The following TAF3 variants were observed in gnomAD, a reference collection of about 807,000 sequenced individuals.
TAF3 encodes the protein transcription initiation factor TFIID subunit 3.
Under a neutral mutation model 80.6 loss-of-function variants are expected in TAF3, and 7 were observed. The ratio of observed to expected loss-of-function variants is 0.09; its 90% CI spans 0.05 to 0.16. The LOEUF is 0.16. TAF3 is among the 10% of genes least tolerant of loss of function. TAF3 has a pLI of 1.00. For synonymous variants in TAF3, 444 were observed against 446.1 expected (o/e 1.00, Z 0.06); for missense variants, 921 against 1,140.2 (o/e 0.81, Z 2.77).
chr10:7,883,879 A>G (rs1465851164), intron 2 of TAF3, among the ~76,000 whole-genome samples: 1 of 152,238 alleles, frequency 6.6e-6, no homozygotes, highest in African/African-American at 2.4e-5. Context: ...GAGGGGCTAC[A>G]TCTAGTGAGA....
At chr10:7,832,122 T>C (rs1236522084) in intron 2 of TAF3, among the ~76,000 whole-genome samples, 1 of 152,152 alleles carries the variant, frequency 6.6e-6, no homozygotes, top group Non-Finnish European at 1.5e-5. Context: ...TGCTGTGCAA[T>C]GTATCAAAAA....
At chr10:7,958,699 C>T (rs530953484) in intron 2 of TAF3, among the ~76,000 whole-genome samples, 1 of 152,158 alleles carries the variant, frequency 6.6e-6, no homozygotes, top group Non-Finnish European at 1.5e-5. Flanking sequence ...CTGAAGCAGG[C>T]GATGGCCTCG....
intron 2 of TAF3, among the ~76,000 whole-genome samples, chr10:7,909,935 T>C (rs1837641215): frequency 6.6e-6 from 1 of 152,118 alleles, no homozygotes; most frequent in African/African-American, 2.4e-5. Context: ...GTCCCTGATA[T>C]GGCATAGTGA....
At chr10:7,939,283 C>T (rs1461622667) in intron 2 of TAF3, among the ~76,000 whole-genome samples, 1 of 152,154 alleles carries the variant, frequency 6.6e-6, no homozygotes, top group East Asian at 1.9e-4. Context: ...CCACACTGAA[C>T]AGGTGAGACT....
intron 2 of TAF3, among the ~76,000 whole-genome samples, chr10:7,866,530 A>G (rs779082865): frequency 6.6e-6 from 1 of 152,250 alleles, no homozygotes; most frequent in Non-Finnish European, 1.5e-5. Context: ...GTGAGAGTCA[A>G]CTTGATGTTT....
At chr10:7,966,126 A>G (rs1002129880) in intron 3 of TAF3, among the ~76,000 whole-genome samples, 17 of 152,208 alleles carry the variant, frequency 1.1e-4, no homozygotes, top group Non-Finnish European at 2.4e-4. Context: ...GGCAGCATCC[A>G]TGTTTCTAAA....
intron 2 of TAF3, among the ~76,000 whole-genome samples, chr10:7,883,038 C>T (rs182216053): frequency 6.6e-6 from 1 of 152,244 alleles, no homozygotes; most frequent in African/African-American, 2.4e-5. Context: ...TCATATGTAA[C>T]AGAACAGTTA....
chr10:8,010,458 A>C (rs1832043970), intron 5 of TAF3, among the ~76,000 whole-genome samples: 1 of 152,244 alleles, frequency 6.6e-6, no homozygotes, highest in Non-Finnish European at 1.5e-5. Flanking sequence ...TATAATTTAT[A>C]GAATGTACAC....
intron 2 of TAF3, among the ~76,000 whole-genome samples, chr10:7,866,382 G>A (rs140788810): frequency 3.9e-5 from 6 of 152,206 alleles, no homozygotes; most frequent in Admixed American, 3.3e-4. Flanking sequence ...CTGTGATGGT[G>A]GCTGACCACG....
intron 2 of TAF3, among the ~76,000 whole-genome samples, chr10:7,939,478 C>T (rs1012146926): frequency 2.6e-5 from 4 of 151,992 alleles, no homozygotes; most frequent in African/African-American, 9.7e-5. Context: ...GCGACTCACG[C>T]TTAAACACCC....
At chr10:7,895,989 A>G (rs1259081195) in intron 2 of TAF3, among the ~76,000 whole-genome samples, 1 of 152,174 alleles carries the variant, frequency 6.6e-6, no homozygotes, top group African/African-American at 2.4e-5. Flanking sequence ...TGTAAATAGT[A>G]TAAATAGTAA....
intron 2 of TAF3, among the ~76,000 whole-genome samples, chr10:7,874,231 A>G (rs1314780974): frequency 1.3e-5 from 2 of 152,218 alleles, no homozygotes; most frequent in Non-Finnish European, 1.5e-5. Context: ...GATTAAAGCA[A>G]TGTTTTTGGA....
chr10:7,830,784 A>G (rs1588515493), intron 2 of TAF3, among the ~76,000 whole-genome samples: 1 of 151,968 alleles, frequency 6.6e-6, no homozygotes, highest in Non-Finnish European at 1.5e-5. Flanking sequence ...CCGCCCAACC[A>G]TGTCATTTAC....
intron 2 of TAF3, among the ~76,000 whole-genome samples, chr10:7,940,776 A>G (rs972124054): frequency 4.6e-5 from 7 of 152,108 alleles, no homozygotes; most frequent in Non-Finnish European, 8.8e-5. Flanking sequence ...GCAACAGAGC[A>G]AGACCCTGTC....
At chr10:7,886,043 G>T (rs1021161604) in intron 2 of TAF3, among the ~76,000 whole-genome samples, 1 of 151,824 alleles carries the variant, frequency 6.6e-6, no homozygotes, top group Non-Finnish European at 1.5e-5. Context: ...ATCCTCCTGC[G>T]TCAGCCTCCC....
chr10:7,897,557 G>C (rs997057479), intron 2 of TAF3, among the ~76,000 whole-genome samples: 1 of 151,804 alleles, frequency 6.6e-6, no homozygotes, highest in African/African-American at 2.4e-5. Flanking sequence ...CAACTGATGG[G>C]CTCTTTTAAT....
chr10:7,977,330 A>T lies in TAF3; in HGVS notation c.2315+7A>T, dbSNP rs1187223679. ...GTGCTGGCCAAGACAAGATGTAAGT[A>T]TAAACGTTTTGAATCAGGGTGAAAC... On this transcript the variant is annotated splice_region_variant and intron_variant, in intron 4 of 6. Transcript: ENST00000344293. 6.2e-7 allele frequency: 1 copy of T among 1,613,988 alleles called. No homozygotes were observed. Among genetic ancestry groups the T allele is most frequent in the Non-Finnish European group, 8.5e-7 (1 of 1,179,888 alleles).
At chr10:7,947,528 G>T (rs1838037565) in intron 2 of TAF3, among the ~76,000 whole-genome samples, 1 of 152,216 alleles carries the variant, frequency 6.6e-6, no homozygotes, top group Non-Finnish European at 1.5e-5. Context: ...ATTGCAATGT[G>T]CAGTGATCAG....
At chr10:7,979,994 T>C (rs1183440754) in intron 4 of TAF3, among the ~76,000 whole-genome samples, 1 of 152,118 alleles carries the variant, frequency 6.6e-6, no homozygotes, top group Non-Finnish European at 1.5e-5. Flanking sequence ...AACATTCAAA[T>C]TTCAGTGATC....
Sources: gnomAD v4.1 joint callset for allele counts (sites outside exome capture counted in the v4.1 genomes callset) on GRCh38, gnomAD v4.1.1 for gene constraint, MANE v1.5 for transcripts, NCBI Gene and HGNC (gene_info 2026-07-23, HGNC 2026-07-21) for gene names.